Variants in DGKH observed in about 807,000 individuals in gnomAD.
The protein encoded by DGKH is DAG kinase eta.
DGKH carries 90 observed loss-of-function variants against 159.3 expected under a neutral mutation model. That is an observed-to-expected ratio of 0.57 (90% CI 0.48 to 0.67). The LOEUF (loss-of-function observed/expected upper bound fraction) is 0.67. DGKH is among the 30% of genes least tolerant of loss of function. The pLI, the probability that DGKH is intolerant of heterozygous loss-of-function variation, is 0.00. For missense variants in DGKH, 1,181 were observed against 1,506.1 expected, an observed-to-expected ratio of 0.78 and a Z score of 3.57; for synonymous variants, 536 against 553.8, an observed-to-expected ratio of 0.97 and a Z score of 0.45.
At chr13:42,248,447 A>G (rs1958597065) in intron 29 of DGKH, among the ~76,000 whole-genome samples, 1 of 147,614 alleles carries the variant, frequency 6.8e-6, no homozygotes, top group African/African-American at 2.5e-5. Flanking sequence ...TATATAATAT[A>G]GATATACATA....
chr13:42,162,109 A>T (rs887929287), intron 7 of DGKH, among the ~76,000 whole-genome samples: 4 of 152,198 alleles, frequency 2.6e-5, no homozygotes, highest in Non-Finnish European at 5.9e-5. Flanking sequence ...ACCCTATGTA[A>T]GTTGGACTTG....
intron 13 of DGKH, among the ~76,000 whole-genome samples, chr13:42,182,242 G>A (rs769263640): frequency 4.6e-5 from 7 of 152,214 alleles, no homozygotes; most frequent in Admixed American, 6.5e-5. Context: ...TATTTTTATG[G>A]ACATTTTCAA....
At chr13:42,105,018 C>A (rs1050828596) in intron 1 of DGKH, among the ~76,000 whole-genome samples, 32 of 89,448 alleles carry the variant, frequency 3.6e-4, no homozygotes, top group African/African-American at 1.1e-3. Flanking sequence ...TATGTACATA[C>A]ATATGTATGT....
chr13:42,176,132 A>G (rs1346505064), intron 12 of DGKH, among the ~76,000 whole-genome samples: 1 of 152,166 alleles, frequency 6.6e-6, no homozygotes, highest in African/African-American at 2.4e-5. Flanking sequence ...GAGAAATTGT[A>G]TTTTTTGATC....
At chr13:42,183,874 T>C (rs1956838568) in intron 13 of DGKH, among the ~76,000 whole-genome samples, 2 of 152,244 alleles carry the variant, frequency 1.3e-5, no homozygotes, top group Admixed American at 1.3e-4. Flanking sequence ...AAAACTTTTT[T>C]AGCTTTAACA....
intron 14 of DGKH, among the ~76,000 whole-genome samples, chr13:42,188,649 T>C (rs1388032686): frequency 1.3e-5 from 2 of 152,246 alleles, no homozygotes; most frequent in Non-Finnish European, 2.9e-5. Flanking sequence ...AAAATGTCTG[T>C]TGTGTTATTT....
At chr13:42,096,698 T>C (rs1476654417) in intron 1 of DGKH, among the ~76,000 whole-genome samples, 1 of 152,230 alleles carries the variant, frequency 6.6e-6, no homozygotes, top group African/African-American at 2.4e-5. Flanking sequence ...TTGGCAAAGA[T>C]GAATAAAATT....
At position 42,142,958 on chromosome 13, in the gene DGKH, C is replaced by A. The variant is rs1405556933; in HGVS notation, c.385-12333C>A. On this transcript the variant is annotated intron_variant, in intron 3 of 29. Coordinates refer to ENST00000337343, the MANE Select transcript of DGKH (RefSeq NM_178009.5). ...GTTGAATAGGAGTGGTGAGAGAGGGCATCCCTGTCTTGTGCCAGTTTTCAA... is the reference window on the plus strand; with the variant it reads ...GTTGAATAGGAGTGGTGAGAGAGGGAATCCCTGTCTTGTGCCAGTTTTCAA... 4.6e-5 allele frequency among the ~76,000 whole-genome samples: 7 copies of A among 152,292 alleles called. No individual in the cohort carries two copies. The East Asian group carries it at 1.4e-3, about 29-fold the overall frequency.
At chr13:42,181,181 G>A (rs1956748858) in intron 13 of DGKH, among the ~76,000 whole-genome samples, 3 of 150,730 alleles carry the variant, frequency 2.0e-5, no homozygotes, top group South Asian at 4.2e-4. Context: ...GGAGGCTGAG[G>A]CAGGAGAATG....
At chr13:42,135,491 G>GAAAAAAAAAAAAAA (rs757279736) in intron 3 of DGKH, among the ~76,000 whole-genome samples, 4 of 69,114 alleles carry the variant, frequency 5.8e-5, no homozygotes, top group Non-Finnish European at 5.4e-5. Context: ...CCCTGTCTCA[G>GAAAAAAAAAAAAAA]AAAAAAAAAA....
At chr13:42,052,315 A>G (rs1037640901) in intron 1 of DGKH, among the ~76,000 whole-genome samples, 3 of 152,102 alleles carry the variant, frequency 2.0e-5, no homozygotes, top group African/African-American at 4.8e-5. Flanking sequence ...TTGTATGTCT[A>G]TGCTGTCCTC....
Position 42,209,785 on chromosome 13 carries a change from C to T in DGKH, c.2850+320C>T, listed in dbSNP as rs557582230. Among the ~76,000 whole-genome samples, 39 of 152,256 alleles carry T rather than the reference C, an allele frequency of 2.6e-4. No homozygotes were observed. In the South Asian group the frequency reaches 4.1e-3, roughly 16 times the overall value. Reference sequence around the variant, plus strand: ...CATTAGTGTGGCACATTTGTTACAACTGTTGAGTCAATACTGATTGATTAT... The same window carrying T: ...CATTAGTGTGGCACATTTGTTACAATTGTTGAGTCAATACTGATTGATTAT... On this transcript the variant is annotated intron_variant, in intron 23 of 29. Coordinates refer to ENST00000337343, the MANE Select transcript of DGKH (RefSeq NM_178009.5).
intron 3 of DGKH, among the ~76,000 whole-genome samples, chr13:42,137,553 T>G (rs1164097061): frequency 6.6e-6 from 1 of 152,208 alleles, no homozygotes; most frequent in Non-Finnish European, 1.5e-5. Flanking sequence ...TGCGTCTTTA[T>G]TGTGGAGTTT....
intron 7 of DGKH, among the ~76,000 whole-genome samples, chr13:42,161,647 G>T (rs1281554653): frequency 6.6e-6 from 1 of 152,024 alleles, no homozygotes; most frequent in African/African-American, 2.4e-5. Context: ...GGGCGTGGTG[G>T]TGGGCGCCTG....
rs1310616960 is a variant in DGKH at position 42,215,629 on chromosome 13, A to G, written c.3175A>G (p.Asn1059Asp). 6.2e-7 allele frequency: 1 copy of G among 1,611,504 alleles called. No individual in the cohort carries two copies. Among genetic ancestry groups the G allele is most frequent in the Non-Finnish European group, 8.5e-7 (1 of 1,178,656 alleles). ...AGCCATCAATGTGAAGGCGCTGTAT[A>G]ATGAAACAGAATCTTTGCTAGTTGG... Reference protein sequence around the residue: ...EIAINVKALYNETESLLVGRV... With the variant: ...EIAINVKALYDETESLLVGRV... The change falls in exon 26 of 30, where the codon AAT becomes GAT. Residue 1059 changes from asparagine (N) to aspartate (D), a missense_variant. Around this residue, in one of 5 missense-constraint regions of DGKH, gnomAD observed 335 missense variants for 495.2 expected, o/e 0.68. Coordinates refer to ENST00000337343, the MANE Select transcript of DGKH (RefSeq NM_178009.5).
chr13:42,049,448 G>T (rs1881098690), intron 1 of DGKH, among the ~76,000 whole-genome samples: 1 of 152,254 alleles, frequency 6.6e-6, no homozygotes, highest in Non-Finnish European at 1.5e-5. Flanking sequence ...ACCAGCCTGC[G>T]CTGCAGTGAG....
At chr13:42,225,164 C>T (rs772377482) in intron 29 of DGKH, 299 of 842,028 alleles carry the variant, frequency 3.6e-4, no homozygotes, top group Non-Finnish European at 4.8e-4. Flanking sequence ...CTCAAGAGAT[C>T]GGCCTGCCTT....
intron 3 of DGKH, among the ~76,000 whole-genome samples, chr13:42,136,160 A>G (rs1177946713): frequency 1.3e-5 from 2 of 152,236 alleles, no homozygotes; most frequent in South Asian, 4.1e-4. Flanking sequence ...CTGCAGTTTA[A>G]TAAAAGTGGC....
intron 3 of DGKH, among the ~76,000 whole-genome samples, chr13:42,139,501 T>C (rs2324891): frequency 0.94 from 143,371 of 152,192 alleles, 67,818 homozygotes; most frequent in Non-Finnish European, 0.98. Context: ...GATCATTTGC[T>C]GTGCCTGGTG....
Sources: gnomAD v4.1 joint callset for allele counts (sites outside exome capture counted in the v4.1 genomes callset) on GRCh38, gnomAD v4.1.1 for gene constraint, gnomAD v4.1.1 regional missense constraint, MANE v1.5 for transcripts, NCBI Gene and HGNC (gene_info 2026-07-23, HGNC 2026-07-21) for gene names.